MACROD2: variants seen among roughly 807,000 people sequenced by gnomAD.
The protein encoded by MACROD2 is ADP-ribose glycohydrolase MACROD2.
MACROD2 carries 36 observed loss-of-function variants against 70.4 expected under a neutral mutation model. The observed-to-expected ratio is 0.51, with a 90% CI of 0.39 to 0.68. The LOEUF is 0.68. MACROD2 is among the 30% of genes least tolerant of loss of function. The pLI, the probability that MACROD2 is intolerant of heterozygous loss-of-function variation, is 0.00. For missense variants in MACROD2, 496 were observed against 538.4 expected, an observed-to-expected ratio of 0.92 and a Z score of 0.78; for synonymous variants, 172 against 178.8, an observed-to-expected ratio of 0.96 and a Z score of 0.30.
intron 4 of MACROD2, among the ~76,000 whole-genome samples, chr20:14,584,604 CA>C (rs1393972202): frequency 6.6e-6 from 1 of 152,070 alleles, no homozygotes; most frequent in Admixed American, 6.6e-5. Flanking sequence ...AATTACCTCC[CA>C]AAGGCCCCAC....
chr20:14,021,739 A>G (rs1601123112), intron 2 of MACROD2, among the ~76,000 whole-genome samples: 1 of 152,328 alleles, frequency 6.6e-6, no homozygotes, highest in East Asian at 1.9e-4. Context: ...TTAACCCAAT[A>G]AAGTTTATTT....
At chr20:15,453,724 T>C (rs962427628) in intron 7 of MACROD2, among the ~76,000 whole-genome samples, 5 of 152,260 alleles carry the variant, frequency 3.3e-5, no homozygotes, top group Admixed American at 6.5e-5. Flanking sequence ...AAACAGTCCT[T>C]CTCTGGGATA....
At chr20:14,295,626 C>A (rs2082420757) in intron 3 of MACROD2, among the ~76,000 whole-genome samples, 1 of 151,780 alleles carries the variant, frequency 6.6e-6, no homozygotes, top group Non-Finnish European at 1.5e-5. Flanking sequence ...CTCTTTTTAA[C>A]TTAACAATGT....
chr20:14,453,725 TAG>T (rs1385839011), intron 3 of MACROD2, among the ~76,000 whole-genome samples: 4 of 152,164 alleles, frequency 2.6e-5, no homozygotes, highest in Non-Finnish European at 5.9e-5. Context: ...AAATTACCTA[TAG>T]ATCCACTACC....
At chr20:14,566,506 T>C (rs1206986796) in intron 4 of MACROD2, 1 of 151,954 alleles carries the variant, frequency 6.6e-6, no homozygotes, top group African/African-American at 2.4e-5. Flanking sequence ...GTGAGATTGC[T>C]TTAAAAAGAC....
intron 5 of MACROD2, among the ~76,000 whole-genome samples, chr20:14,988,624 C>G (rs1341687726): frequency 6.6e-6 from 1 of 152,120 alleles, no homozygotes; most frequent in Non-Finnish European, 1.5e-5. Context: ...TTATTGGAGA[C>G]TGAAACTACC....
At chr20:14,028,111 C>T (rs973270112) in intron 2 of MACROD2, among the ~76,000 whole-genome samples, 19 of 152,172 alleles carry the variant, frequency 1.2e-4, no homozygotes, top group Non-Finnish European at 2.8e-4. Flanking sequence ...GATGCCCTGC[C>T]CAGAGAGGAG....
At chr20:14,301,167 G>A (rs2082471755) in intron 3 of MACROD2, among the ~76,000 whole-genome samples, 1 of 152,154 alleles carries the variant, frequency 6.6e-6, no homozygotes, top group South Asian at 2.1e-4. Context: ...AGACTTAGGA[G>A]TTACTCAGGA....
intron 6 of MACROD2, among the ~76,000 whole-genome samples, chr20:15,316,786 C>T (rs531224167): frequency 7.9e-5 from 12 of 151,980 alleles, no homozygotes; most frequent in African/African-American, 2.2e-4. Context: ...ATAGACCATA[C>T]GGTAGGCCAC....
intron 3 of MACROD2, among the ~76,000 whole-genome samples, chr20:14,287,574 C>G (rs1215042940): frequency 1.3e-5 from 2 of 152,096 alleles, no homozygotes; most frequent in Non-Finnish European, 2.9e-5. Context: ...TTACCACAAA[C>G]TTAGGGGCTT....
intron 7 of MACROD2, among the ~76,000 whole-genome samples, chr20:15,463,379 T>A (rs189672978): frequency 6.6e-6 from 1 of 152,292 alleles, no homozygotes; most frequent in East Asian, 1.9e-4. Flanking sequence ...TGTGGACCAC[T>A]TGACTCCAGC....
chr20:15,071,715 G>C (rs1179747540), intron 5 of MACROD2, among the ~76,000 whole-genome samples: 2 of 152,128 alleles, frequency 1.3e-5, no homozygotes, highest in African/African-American at 4.8e-5. Flanking sequence ...ACAATGAACA[G>C]TGCTGTAAAT....
intron 5 of MACROD2, among the ~76,000 whole-genome samples, chr20:14,862,383 A>T (rs1257065477): frequency 4.6e-5 from 1 of 21,716 alleles, no homozygotes; most frequent in African/African-American, 3.1e-4. Context: ...ATATATATAT[A>T]AATATATATA....
chr20:14,575,885 TA>T (rs1283727789), intron 4 of MACROD2, among the ~76,000 whole-genome samples: 1 of 152,200 alleles, frequency 6.6e-6, no homozygotes, highest in East Asian at 1.9e-4. Flanking sequence ...GACAAATATT[TA>T]TCTTTCTGTC....
chr20:15,044,066 C>G (rs1276882039), intron 5 of MACROD2, among the ~76,000 whole-genome samples: 1 of 152,044 alleles, frequency 6.6e-6, no homozygotes, highest in Non-Finnish European at 1.5e-5. Flanking sequence ...AAGTCATTGG[C>G]CTTTGGTGAT....
chr20:15,636,221 C>G (rs1364659483), intron 8 of MACROD2, among the ~76,000 whole-genome samples: 2 of 151,760 alleles, frequency 1.3e-5, no homozygotes, highest in African/African-American at 4.8e-5. Context: ...TTTAGAAATC[C>G]CTAAGGGAAG....
intron 3 of MACROD2, among the ~76,000 whole-genome samples, chr20:14,231,516 C>A (rs909860280): frequency 1.3e-5 from 2 of 152,128 alleles, no homozygotes; most frequent in African/African-American, 4.8e-5. Context: ...ATATGTGCCA[C>A]ATTTTCTTAA....
At chr20:15,615,261 C>T (rs2049021881) in intron 8 of MACROD2, among the ~76,000 whole-genome samples, 1 of 152,194 alleles carries the variant, frequency 6.6e-6, no homozygotes, top group Non-Finnish European at 1.5e-5. Context: ...GTGAATTCAC[C>T]CCCTCTCCAT....
chr20:15,137,744 G>A (rs933326757), intron 5 of MACROD2, among the ~76,000 whole-genome samples: 12 of 151,894 alleles, frequency 7.9e-5, no homozygotes, highest in Non-Finnish European at 1.8e-4. Context: ...TAAAGGTAAG[G>A]TACAGAAGTG....
Sources: gnomAD v4.1 joint callset for allele counts (sites outside exome capture counted in the v4.1 genomes callset) on GRCh38, gnomAD v4.1.1 for gene constraint, MANE v1.5 for transcripts, NCBI Gene and HGNC (gene_info 2026-07-23, HGNC 2026-07-21) for gene names.